Variants in ABCC1 observed in about 807,000 individuals in gnomAD.
ABCC1 encodes multidrug resistance-associated protein 1.
A neutral mutation model predicts 172.9 loss-of-function variants in ABCC1; 83 were observed. The ratio of observed to expected loss-of-function variants is 0.48; its 90% CI spans 0.40 to 0.58. The LOEUF (loss-of-function observed/expected upper bound fraction) is 0.58. ABCC1 is among the 20% of genes least tolerant of loss of function. The pLI is 0.00. For synonymous variants in ABCC1, 937 were observed against 825.2 expected (o/e 1.14, Z -2.32); for missense variants, 1,817 against 2,002.7 (o/e 0.91, Z 1.77).
intron 14 of ABCC1, among the ~76,000 whole-genome samples, chr16:16,074,834 G>A (rs555363447): frequency 6.6e-6 from 1 of 152,082 alleles, no homozygotes; most frequent in Non-Finnish European, 1.5e-5. Flanking sequence ...TTGATGCATG[G>A]AGGAAGTTAT....
chr16:16,005,532 G>A lies in ABCC1; in HGVS notation c.49-2284G>A, dbSNP rs2047497510. ...CTGGCTAGTTTTTTGTACTTTAGTA[G>A]AGATGAGGTTTTACCATGTTGGCCA... On this transcript the variant is annotated intron_variant, in intron 1 of 30. Coordinates refer to ENST00000399410, the MANE Select transcript of ABCC1 (RefSeq NM_004996.4). 2.6e-5 allele frequency among the ~76,000 whole-genome samples: 4 copies of A among 152,236 alleles called. No homozygotes were observed. The South Asian group carries it at 6.2e-4, about 24-fold the overall frequency.
At chr16:16,114,650 T>TATG in intron 22 of ABCC1, 116 bp from the exon 23 acceptor site, 2 of 958,528 alleles carry the variant, frequency 2.1e-6, no homozygotes, top group Non-Finnish European at 3.0e-6. Flanking sequence ...TCATCATTAT[T>TATG]ATTATTATTA....
intron 5 of ABCC1, among the ~76,000 whole-genome samples, chr16:16,028,571 G>T (rs1291761341): frequency 6.6e-6 from 1 of 152,138 alleles, no homozygotes; most frequent in Non-Finnish European, 1.5e-5. Flanking sequence ...GACTGTGGGA[G>T]TGGGCAGGAA....
At chr16:16,118,914 G>T (rs1335746463) in intron 23 of ABCC1, among the ~76,000 whole-genome samples, 1 of 146,152 alleles carries the variant, frequency 6.8e-6, no homozygotes, top group Non-Finnish European at 1.5e-5. Flanking sequence ...AAGAGCAAAG[G>T]CAGTGCTTAG....
chr16:16,070,636 G>T (rs1407484551), intron 13 of ABCC1, among the ~76,000 whole-genome samples: 2 of 152,208 alleles, frequency 1.3e-5, no homozygotes, highest in African/African-American at 2.4e-5. Context: ...CTGCACTCCA[G>T]CCTGGGTGAC....
intron 7 of ABCC1, among the ~76,000 whole-genome samples, chr16:16,038,800 G>A (rs771174476): frequency 1.5e-4 from 23 of 152,084 alleles, no homozygotes; most frequent in Non-Finnish European, 3.4e-4. Context: ...CATCATCCAC[G>A]CCTCTGCTGA....
At chr16:15,999,836 C>CTTTCTT (rs766054868) in intron 1 of ABCC1, among the ~76,000 whole-genome samples, 47 of 16,832 alleles carry the variant, frequency 2.8e-3, no homozygotes, top group African/African-American at 9.8e-3. Flanking sequence ...CTCTCTCTGT[C>CTTTCTT]TCTTTCTTTC....
At chr16:16,058,744 G>A (rs188859925) in intron 12 of ABCC1, among the ~76,000 whole-genome samples, 46 of 152,218 alleles carry the variant, frequency 3.0e-4, no homozygotes, top group Non-Finnish European at 3.5e-4. Context: ...TCTGCCTCCC[G>A]GGTTCAAGCG....
rs779691108 is a variant in ABCC1 at position 16,111,359 on chromosome 16, C to T, written c.2872-16C>T. The T allele has an allele frequency of 2.5e-6, 4 of 1,612,616 alleles. No individual in the cohort carries two copies. The highest frequency in any genetic ancestry group is 2.2e-5 in the East Asian group (1 of 44,878). ...GCGTGCATGTGCTAAGCTGCCTTAT[C>T]TCCTGTGATCTCCAGGTCAAGCTTT... On this transcript the variant is annotated splice_polypyrimidine_tract_variant and intron_variant, in intron 21 of 30. Coordinates refer to ENST00000399410, the MANE Select transcript of ABCC1 (RefSeq NM_004996.4).
Position 16,122,089 on chromosome 16 carries a change from G to C in ABCC1, c.3505G>C (p.Glu1169Gln). Residue 1169 changes from glutamate (E) to glutamine (Q), a missense_variant, in exon 24 of 31, where the codon GAG becomes CAG. Coordinates refer to ENST00000399410, the MANE Select transcript of ABCC1 (RefSeq NM_004996.4). ...LLGVSVIRAF[E>Q]EQERFIHQSD... is the part of the protein sequence containing the mutation. ...GGGGGTCAGCGTCATTCGAGCCTTC[G>C]AGGAGCAGGAGCGCTTCATCCACCA... The C allele has an allele frequency of 6.2e-7, 1 of 1,614,170 alleles. No homozygotes were observed. Among genetic ancestry groups the C allele is most frequent in the Non-Finnish European group, 8.5e-7 (1 of 1,180,038 alleles).
In ABCC1 at chr16:16,036,590, G is replaced by T; in HGVS notation, c.796G>T (p.Ala266Ser). The change falls in exon 7 of 31, where the codon GCC (alanine) becomes TCC (serine). Residue 266 changes from alanine (A) to serine (S), a missense_variant. Physicochemically the swap from Ala to Ser is moderately conservative, Grantham distance 99. Coordinates refer to ENST00000399410, the MANE Select transcript of ABCC1 (RefSeq NM_004996.4). ...VLVKNWKKEC[A>S]KTRKQPVKVV... ...GGTAAAGAACTGGAAGAAGGAATGCGCCAAGACTAGGAAGTAAGTGTGAGT... is the reference window on the plus strand; with the variant it reads ...GGTAAAGAACTGGAAGAAGGAATGCTCCAAGACTAGGAAGTAAGTGTGAGT... 1 of 1,613,912 alleles carries T rather than the reference G, an allele frequency of 6.2e-7. No homozygotes were observed. The highest frequency in any genetic ancestry group is 8.5e-7 in the Non-Finnish European group (1 of 1,179,890).
chr16:15,965,086 A>T (rs542066795), intron 1 of ABCC1, among the ~76,000 whole-genome samples: 3 of 152,198 alleles, frequency 2.0e-5, no homozygotes, highest in Non-Finnish European at 2.9e-5. Context: ...ACTAGTATGT[A>T]GTTTTGCAAG....
chr16:16,027,479 C>A lies in ABCC1; in HGVS notation c.616-5630C>A, dbSNP rs531231496. Among the ~76,000 whole-genome samples the A allele has an allele frequency of 1.4e-3, 217 of 152,052 alleles. 1 individual carries two copies. Among genetic ancestry groups the A allele is most frequent in the Admixed American group, 3.9e-3 (59 of 15,270 alleles). On this transcript the variant is annotated intron_variant, in intron 5 of 30. Coordinates refer to ENST00000399410, the MANE Select transcript of ABCC1 (RefSeq NM_004996.4). ...GTGAACCCACTGGGGTTTTTTCCCCCCCAAACACTTGAGCTTTATTGATGT... is the reference window on the plus strand; with the variant it reads ...GTGAACCCACTGGGGTTTTTTCCCCACCAAACACTTGAGCTTTATTGATGT...
In ABCC1 at chr16:16,141,250, A is replaced by C. The variant is rs2046116516; in HGVS notation, c.4565A>C (p.Tyr1522Ser). The C allele has an allele frequency of 2.5e-6, 4 of 1,613,848 alleles. No homozygotes were observed. Among genetic ancestry groups the C allele is most frequent in the Non-Finnish European group, 3.4e-6 (4 of 1,180,022 alleles). Residue 1522 changes from tyrosine (Y) to serine (S), a missense_variant, in exon 31 of 31, where the codon TAC (tyrosine) becomes TCC (serine). Transcript: ENST00000399410. ...SDLLQQRGLF[Y>S]SMAKDAGLV ...CTCCTGCAGCAGAGAGGTCTTTTCT[A>C]CAGCATGGCCAAAGACGCCGGCTTG...
chr16:15,983,073 C>T (rs12922744), intron 1 of ABCC1, among the ~76,000 whole-genome samples: 17,402 of 151,994 alleles, frequency 0.11, 1,138 homozygotes, highest in Middle Eastern at 0.15. Flanking sequence ...CTGATAAGTA[C>T]TTAGCAGGCA....
chr16:16,108,583 T>C (rs2052246768), intron 21 of ABCC1, among the ~76,000 whole-genome samples: 1 of 151,016 alleles, frequency 6.6e-6, no homozygotes, highest in African/African-American at 2.4e-5. Flanking sequence ...CCTTTTTTTT[T>C]TTTTTAATTT....
Position 16,102,179 on chromosome 16 carries a change from C to T in ABCC1, c.2645-448C>T, listed in dbSNP as rs45547732. Among the ~76,000 whole-genome samples, 860 of 152,230 alleles carry T rather than the reference C, an allele frequency of 5.6e-3. 4 individuals are homozygous for T. The highest frequency in any genetic ancestry group is 8.1e-3 in the Non-Finnish European group (553 of 68,006). On this transcript the variant is annotated intron_variant, in intron 19 of 30. Transcript: ENST00000399410. ...GGGCCTCTGCCTGTTGGCTGATGGC[C>T]TTGTCAAATTGGTTATCTATTTTGA...
chr16:15,986,522 C>CTAGG (rs2046748297), intron 1 of ABCC1, among the ~76,000 whole-genome samples: 1 of 152,186 alleles, frequency 6.6e-6, no homozygotes, highest in Admixed American at 6.5e-5. Flanking sequence ...TGCGAGGGAC[C>CTAGG]TAGGCTGTGT....
intron 6 of ABCC1, among the ~76,000 whole-genome samples, chr16:16,035,117 G>C (rs1261308765): frequency 6.6e-6 from 1 of 152,128 alleles, no homozygotes; most frequent in East Asian, 1.9e-4. Context: ...AAAGTGTTTA[G>C]TCTGCTGGGC....
Sources: allele counts gnomAD v4.1 joint callset (sites outside exome capture counted in the v4.1 genomes callset), GRCh38; gene constraint gnomAD v4.1.1; transcripts MANE v1.5; gene names NCBI Gene and HGNC (gene_info 2026-07-23, HGNC 2026-07-21).